ROBO1: variants seen among roughly 807,000 people sequenced by gnomAD.
ROBO1 encodes the protein roundabout guidance receptor 1.
Under a neutral mutation model 195.9 loss-of-function variants are expected in ROBO1, and 149 were observed. That is an observed-to-expected ratio of 0.76 (90% CI 0.67 to 0.87). The LOEUF is 0.87. Ranked by LOEUF, ROBO1 falls within the 40% of genes least tolerant of loss-of-function variation. ROBO1 has a pLI of 0.00. For synonymous variants in ROBO1, 816 were observed against 733.2 expected (o/e 1.11, Z -1.82); for missense variants, 1,933 against 2,068.3 (o/e 0.93, Z 1.27).
intron 28 of ROBO1, among the ~76,000 whole-genome samples, chr3:78,611,365 G>C (rs1703796626): frequency 6.6e-6 from 1 of 152,196 alleles, no homozygotes; most frequent in African/African-American, 2.4e-5. Flanking sequence ...GTTGAAGAGA[G>C]AGGATGGAAA....
chr3:79,589,249 AG>A (rs1236006931), intron 2 of ROBO1, among the ~76,000 whole-genome samples: 2 of 151,728 alleles, frequency 1.3e-5, no homozygotes, highest in Non-Finnish European at 3.0e-5. Context: ...GTATAAGTAA[AG>A]CATTTTAAAG....
At chr3:79,758,079 C>A (rs1004849371) in intron 1 of ROBO1, among the ~76,000 whole-genome samples, 6 of 152,156 alleles carry the variant, frequency 3.9e-5, no homozygotes, top group Non-Finnish European at 8.8e-5. Context: ...AACTCTGTGG[C>A]AGCTATCCAC....
chr3:78,619,634 C>A (rs1196333797), intron 26 of ROBO1, among the ~76,000 whole-genome samples: 2 of 151,884 alleles, frequency 1.3e-5, no homozygotes, highest in Non-Finnish European at 2.9e-5. Flanking sequence ...TATTTAAAAG[C>A]AGAACATGAT....
chr3:79,729,130 T>A (rs1192230879), intron 1 of ROBO1, among the ~76,000 whole-genome samples: 2 of 152,226 alleles, frequency 1.3e-5, no homozygotes, highest in Non-Finnish European at 2.9e-5. Context: ...TTGGTTTGAA[T>A]ATTTGTATTA....
intron 2 of ROBO1, among the ~76,000 whole-genome samples, chr3:79,224,477 G>T (rs1359251180): frequency 1.3e-5 from 2 of 152,064 alleles, no homozygotes; most frequent in Non-Finnish European, 1.5e-5. Flanking sequence ...TATTCAGTGG[G>T]CTATTTGATA....
chr3:78,694,478 A>G (rs1256038749), intron 8 of ROBO1, among the ~76,000 whole-genome samples: 1 of 152,228 alleles, frequency 6.6e-6, no homozygotes, highest in Admixed American at 6.5e-5. Flanking sequence ...GCAATTTAGA[A>G]ACATTTTTAA....
intron 3 of ROBO1, among the ~76,000 whole-genome samples, chr3:79,059,959 A>C (rs1438232554): frequency 6.6e-6 from 1 of 151,804 alleles, no homozygotes; most frequent in Non-Finnish European, 1.5e-5. Context: ...GAACAGAGTC[A>C]TATTTCTCTT....
intron 4 of ROBO1, among the ~76,000 whole-genome samples, chr3:78,753,169 A>G (rs1382598410): frequency 1.3e-5 from 2 of 152,170 alleles, no homozygotes; most frequent in African/African-American, 4.8e-5. Flanking sequence ...AATAAAAACA[A>G]TTACTAGCAA....
intron 2 of ROBO1, among the ~76,000 whole-genome samples, chr3:79,585,690 G>T (rs1943805784): frequency 6.6e-6 from 1 of 151,876 alleles, no homozygotes; most frequent in East Asian, 1.9e-4. Context: ...TAAAGCAGAG[G>T]TTCTCAAATT....
At chr3:79,260,344 G>A (rs1376790168) in intron 2 of ROBO1, among the ~76,000 whole-genome samples, 2 of 151,862 alleles carry the variant, frequency 1.3e-5, no homozygotes, top group Non-Finnish European at 2.9e-5. Context: ...AAAGAATTTA[G>A]TGTTTGTATT....
At chr3:79,620,389 C>T (rs540345524) in intron 1 of ROBO1, among the ~76,000 whole-genome samples, 30 of 152,214 alleles carry the variant, frequency 2.0e-4, no homozygotes, top group Admixed American at 9.8e-4. Flanking sequence ...TTAATCAAAA[C>T]GGAGGCAACC....
At chr3:79,189,270 A>G (rs2081496695) in intron 2 of ROBO1, among the ~76,000 whole-genome samples, 1 of 151,896 alleles carries the variant, frequency 6.6e-6, no homozygotes, top group African/African-American at 2.4e-5. Context: ...AGTAAATTTT[A>G]AAATATTAAT....
At chr3:78,704,833 C>A (rs2081511952) in intron 8 of ROBO1, among the ~76,000 whole-genome samples, 1 of 152,044 alleles carries the variant, frequency 6.6e-6, no homozygotes, top group Non-Finnish European at 1.5e-5. Context: ...CATAATGAGA[C>A]CCTGTCTCAA....
intron 21 of ROBO1, among the ~76,000 whole-genome samples, chr3:78,640,280 C>T (rs1158302943): frequency 6.6e-6 from 1 of 152,072 alleles, no homozygotes; most frequent in Non-Finnish European, 1.5e-5. Context: ...CATTTTGACC[C>T]ATTAAAAAAT....
At chr3:79,046,575 G>A (rs1231989109) in intron 3 of ROBO1, among the ~76,000 whole-genome samples, 2 of 152,112 alleles carry the variant, frequency 1.3e-5, no homozygotes, top group African/African-American at 4.8e-5. Context: ...TCTCAAAACT[G>A]AAGAACTTGG....
At chr3:79,691,336 C>T (rs934089232) in intron 1 of ROBO1, among the ~76,000 whole-genome samples, 1 of 151,674 alleles carries the variant, frequency 6.6e-6, no homozygotes, top group Non-Finnish European at 1.5e-5. Flanking sequence ...AGCAAGAAGA[C>T]TAACTCTTCA....
intron 2 of ROBO1, among the ~76,000 whole-genome samples, chr3:79,187,166 T>C (rs543850479): frequency 1.3e-5 from 2 of 152,158 alleles, no homozygotes; most frequent in African/African-American, 4.8e-5. Flanking sequence ...GGAAAATATG[T>C]AATGTATTCC....
At chr3:79,406,341 T>A (rs11919036) in intron 2 of ROBO1, among the ~76,000 whole-genome samples, 55,581 of 151,166 alleles carry the variant, frequency 0.37, 10,827 homozygotes, top group Admixed American at 0.49. Context: ...GAGGCTGAGG[T>A]GAGATCTCTT....
intron 2 of ROBO1, among the ~76,000 whole-genome samples, chr3:79,472,156 T>C (rs1938313810): frequency 6.6e-6 from 1 of 152,044 alleles, no homozygotes; most frequent in Non-Finnish European, 1.5e-5. Flanking sequence ...CCCAAATGAA[T>C]GCATGGAGTG....
Sources: gnomAD v4.1 joint callset for allele counts (sites outside exome capture counted in the v4.1 genomes callset) on GRCh38, gnomAD v4.1.1 for gene constraint, MANE v1.5 for transcripts, NCBI Gene and HGNC (gene_info 2026-07-23, HGNC 2026-07-21) for gene names.